The following TSC22D3 variants were observed in gnomAD, a reference collection of about 807,000 sequenced individuals.
The protein encoded by TSC22D3 is TSC22 domain family member 3, also known as TSC22 domain family protein 3.
Under a neutral mutation model 11.1 loss-of-function variants are expected in TSC22D3, and 4 were observed. The ratio of observed to expected loss-of-function variants is 0.36; its 90% CI spans 0.18 to 0.83. The LOEUF is 0.83. TSC22D3 is among the 40% of genes least tolerant of loss of function. The pLI, the probability that TSC22D3 is intolerant of heterozygous loss-of-function variation, is 0.48. For synonymous variants in TSC22D3, 77 were observed against 70.3 expected, an observed-to-expected ratio of 1.10 and a Z score of -0.48; for missense variants, 118 against 159.4, an observed-to-expected ratio of 0.74 and a Z score of 1.40.
At position 107,716,157 on chromosome X, in the gene TSC22D3, C is replaced by T; in HGVS notation, c.321-207G>A. 3 of 647,879 alleles carry T rather than the reference C, an allele frequency of 4.6e-6. No homozygotes were observed. The South Asian group carries it at 1.0e-4, about 22-fold the overall frequency. 53.4% of individuals were successfully genotyped at this position (647,879 alleles called of 1,213,427 possible). A position where few individuals can be genotyped will look rare whatever the true frequency, so the allele number is the denominator to read the frequency against. On this transcript the variant is annotated intron_variant, in intron 1 of 2. Coordinates refer to ENST00000372383, the MANE Select transcript of TSC22D3 (RefSeq NM_198057.3). ...CATCTCCTCATCCAGGCCGGCTCAGCGCTGCTGCCGCCGCCCCGAGTTCCA... is the reference window on the plus strand; with the variant it reads ...CATCTCCTCATCCAGGCCGGCTCAGTGCTGCTGCCGCCGCCCCGAGTTCCA...
At chrX:107,728,153 C>T (rs769910041) in intron 1 of TSC22D3, among the ~76,000 whole-genome samples, 11 of 108,619 alleles carry the variant, frequency 1.0e-4, no homozygotes, top group East Asian at 5.7e-4. Context: ...TAAATACATG[C>T]TTAGTAAGAA....
intron 1 of TSC22D3, chrX:107,716,456 G>T: frequency 2.0e-6 from 2 of 989,089 alleles, no homozygotes; most frequent in Non-Finnish European, 2.5e-6. Context: ...CTGCCTCTGC[G>T]GCTGCAGCAG....
intron 1 of TSC22D3, among the ~76,000 whole-genome samples, chrX:107,738,235 T>C (rs35133505): frequency 0.01 from 1,178 of 112,794 alleles, 9 homozygotes; most frequent in Non-Finnish European, 0.018. Context: ...CCCTTGCTGG[T>C]CAAGACACAT....
chrX:107,717,795 G>A (rs929358435), intron 1 of TSC22D3, among the ~76,000 whole-genome samples: 1 of 112,174 alleles, frequency 8.9e-6, no homozygotes, highest in African/African-American at 3.2e-5. Context: ...GGTGACAGAG[G>A]AGGTGAGGAG....
intron 1 of TSC22D3, among the ~76,000 whole-genome samples, chrX:107,730,762 G>A (rs1358822715): frequency 1.8e-5 from 2 of 112,380 alleles, no homozygotes; most frequent in Non-Finnish European, 3.8e-5. Context: ...GTGCAGGGCT[G>A]GCCCCCAGGG....
chrX:107,759,584 G>GCTGTAGCTCCTCCAGGAA (rs1929338009), intron 1 of TSC22D3, among the ~76,000 whole-genome samples: 1 of 112,356 alleles, frequency 8.9e-6, no homozygotes, highest in South Asian at 3.6e-4. Context: ...ACCACCTCGA[G>GCTGTAGCTCCTCCAGGAA]CTGTAGCTCC....
chrX:107,759,852 T>C (rs1052372052), intron 1 of TSC22D3, among the ~76,000 whole-genome samples: 1 of 112,701 alleles, frequency 8.9e-6, no homozygotes, highest in Non-Finnish European at 1.9e-5. Context: ...AGGCTTAGAA[T>C]AAAAAGTGCT....
At chrX:107,766,071 A>G (rs1198860932) in intron 1 of TSC22D3, among the ~76,000 whole-genome samples, 2 of 112,354 alleles carry the variant, frequency 1.8e-5, no homozygotes, top group Admixed American at 9.4e-5. Flanking sequence ...TGATGGCAAC[A>G]CACGTGAGAC....
intron 1 of TSC22D3, among the ~76,000 whole-genome samples, chrX:107,774,383 C>T (rs1930041081): frequency 9.0e-6 from 1 of 110,860 alleles, no homozygotes. Flanking sequence ...GACCGGTACA[C>T]CAATACACGC....
At chrX:107,732,497 C>T (rs1927935311) in intron 1 of TSC22D3, among the ~76,000 whole-genome samples, 1 of 111,568 alleles carries the variant, frequency 9.0e-6, no homozygotes, top group African/African-American at 3.3e-5. Context: ...GGGACACTCC[C>T]AGACATTATT....
chrX:107,766,452 G>GCCC (rs111524433), intron 1 of TSC22D3, among the ~76,000 whole-genome samples: 10 of 77,458 alleles, frequency 1.3e-4, no homozygotes, highest in African/African-American at 1.6e-4. Flanking sequence ...TGGAGTTTCC[G>GCCC]CCCCCCCCCC....
At chrX:107,746,003 G>T (rs1928633309) in intron 1 of TSC22D3, among the ~76,000 whole-genome samples, 1 of 112,279 alleles carries the variant, frequency 8.9e-6, no homozygotes, top group African/African-American at 3.2e-5. Flanking sequence ...TTCTAGGATT[G>T]AATATCTATA....
At chrX:107,743,378 C>T (rs1022306338) in intron 1 of TSC22D3, among the ~76,000 whole-genome samples, 1 of 112,199 alleles carries the variant, frequency 8.9e-6, no homozygotes, top group African/African-American at 3.2e-5. Flanking sequence ...TTTCATCTTA[C>T]ATATGGGGAA....
chrX:107,763,126 A>G (rs1299518930), intron 1 of TSC22D3, among the ~76,000 whole-genome samples: 1 of 111,335 alleles, frequency 9.0e-6, no homozygotes, highest in Non-Finnish European at 1.9e-5. Context: ...AAGTGCTGGG[A>G]TTACAGGCGT....
At chrX:107,753,127 C>T (rs1929011284) in intron 1 of TSC22D3, among the ~76,000 whole-genome samples, 1 of 110,965 alleles carries the variant, frequency 9.0e-6, no homozygotes, top group African/African-American at 3.3e-5. Context: ...CAAGCCTCTC[C>T]TATCCTTCCC....
intron 1 of TSC22D3, chrX:107,717,054 C>T (rs1927086899): frequency 1.0e-6 from 1 of 971,227 alleles, no homozygotes; most frequent in Non-Finnish European, 1.3e-6. Context: ...GCCAGTCCAA[C>T]CCAGACTCGG....
At chrX:107,730,586 G>A (rs780777195) in intron 1 of TSC22D3, among the ~76,000 whole-genome samples, 51 of 111,782 alleles carry the variant, frequency 4.6e-4, no homozygotes, top group Middle Eastern at 4.7e-3. Flanking sequence ...GATTGTTTAT[G>A]GGCAGCTGCT....
intron 1 of TSC22D3, among the ~76,000 whole-genome samples, chrX:107,774,328 C>G (rs1432115473): frequency 5.4e-5 from 6 of 110,960 alleles, no homozygotes; most frequent in Admixed American, 2.9e-4. Context: ...TTTTTTCCCT[C>G]CCTTGTCCTC....
At chrX:107,721,350 T>G (rs754810055) in intron 1 of TSC22D3, among the ~76,000 whole-genome samples, 1 of 111,875 alleles carries the variant, frequency 8.9e-6, no homozygotes, top group South Asian at 3.7e-4. Flanking sequence ...CAAGAGCCCT[T>G]CCTACGTCAG....
Sources: gnomAD v4.1 joint callset for allele counts (sites outside exome capture counted in the v4.1 genomes callset) on GRCh38, gnomAD v4.1.1 for gene constraint, MANE v1.5 for transcripts, NCBI Gene and HGNC (gene_info 2026-07-23, HGNC 2026-07-21) for gene names.